PTPN4: variants seen among roughly 807,000 people sequenced by gnomAD.
PTPN4 encodes the protein tyrosine-protein phosphatase non-receptor type 4.
A neutral mutation model predicts 135.5 loss-of-function variants in PTPN4; 49 were observed. The ratio of observed to expected loss-of-function variants is 0.36; its 90% CI spans 0.29 to 0.46. The LOEUF is 0.46. Ranked by LOEUF, PTPN4 falls within the 20% of genes least tolerant of loss-of-function variation. The pLI, the probability that PTPN4 is intolerant of heterozygous loss-of-function variation, is 1.00. For synonymous variants in PTPN4, 333 were observed against 369.9 expected (o/e 0.90, Z 1.14); for missense variants, 860 against 1,101.0 (o/e 0.78, Z 3.10).
chr2:119,797,032 A>T (rs1691276042), intron 1 of PTPN4, among the ~76,000 whole-genome samples: 1 of 152,104 alleles, frequency 6.6e-6, no homozygotes, highest in Admixed American at 6.5e-5. Context: ...ATTTGTTCAC[A>T]TCTTTCGCCT....
intron 1 of PTPN4, among the ~76,000 whole-genome samples, chr2:119,792,904 G>A (rs1216115638): frequency 6.6e-6 from 1 of 152,112 alleles, no homozygotes; most frequent in East Asian, 1.9e-4. Flanking sequence ...ATAGGGTGTG[G>A]GTCACAGAGA....
intron 1 of PTPN4, among the ~76,000 whole-genome samples, chr2:119,770,047 T>C (rs1161069979): frequency 1.3e-5 from 2 of 152,226 alleles, no homozygotes; most frequent in Non-Finnish European, 2.9e-5. Context: ...AAAAATTACG[T>C]CCAAAATTGG....
intron 1 of PTPN4, among the ~76,000 whole-genome samples, chr2:119,801,449 AT>A (rs1248712249): frequency 6.6e-6 from 1 of 152,148 alleles, no homozygotes. Context: ...AAGTACTGGG[AT>A]TTTGATAGAA....
chr2:119,891,077 A>C (rs766863673), intron 9 of PTPN4, among the ~76,000 whole-genome samples: 1 of 152,128 alleles, frequency 6.6e-6, no homozygotes. Context: ...ACCTCTTTAC[A>C]TTATTATCTG....
At chr2:119,764,818 A>G (rs927447599) in intron 1 of PTPN4, among the ~76,000 whole-genome samples, 11 of 152,218 alleles carry the variant, frequency 7.2e-5, no homozygotes, top group African/African-American at 2.4e-4. Flanking sequence ...AACAACGTTT[A>G]CCCTTGATCA....
chr2:119,973,972 ACTT>A (rs1428201070), intron 26 of PTPN4, among the ~76,000 whole-genome samples: 2 of 152,124 alleles, frequency 1.3e-5, no homozygotes, highest in East Asian at 3.8e-4. Flanking sequence ...TAGCTGGACT[ACTT>A]CTTTAAAGAG....
chr2:119,817,185 C>T (rs1218263900), intron 2 of PTPN4, among the ~76,000 whole-genome samples: 1 of 152,012 alleles, frequency 6.6e-6, no homozygotes, highest in Non-Finnish European at 1.5e-5. Context: ...GGTTTTTATA[C>T]TTTTGGCTTT....
intron 1 of PTPN4, among the ~76,000 whole-genome samples, chr2:119,792,625 C>A (rs1261485603): frequency 6.6e-6 from 1 of 152,158 alleles, no homozygotes. Flanking sequence ...TGAATTTTGC[C>A]AAGTTAAACT....
rs1167921543 is a variant in PTPN4, at chr2:119,984,658, G to T, written c.*7588G>T. Reference sequence around the variant, plus strand: ...TGTCTTAATTTTAGTGAAAAAATTAGAATTTCTGCCATTCATGTACAAAAA... The same window carrying T: ...TGTCTTAATTTTAGTGAAAAAATTATAATTTCTGCCATTCATGTACAAAAA... On this transcript the variant is annotated 3_prime_UTR_variant, in exon 27 of 27. Coordinates refer to ENST00000263708, the MANE Select transcript of PTPN4 (RefSeq NM_002830.4). 1.3e-5 allele frequency among the ~76,000 whole-genome samples: 2 copies of T among 152,144 alleles called. No homozygotes were observed. Among genetic ancestry groups the T allele is most frequent in the Admixed American group, 6.5e-5 (1 of 15,276 alleles).
intron 2 of PTPN4, among the ~76,000 whole-genome samples, chr2:119,824,742 C>T (rs1677122769): frequency 6.6e-6 from 1 of 152,076 alleles, no homozygotes; most frequent in Admixed American, 6.6e-5. Flanking sequence ...GGCTGGAGTG[C>T]AGTGGTGTGA....
intron 2 of PTPN4, among the ~76,000 whole-genome samples, chr2:119,829,399 C>A (rs1399579268): frequency 6.6e-6 from 1 of 152,206 alleles, no homozygotes; most frequent in Non-Finnish European, 1.5e-5. Flanking sequence ...ATTAAGTTCA[C>A]AATGTTGTAT....
intron 2 of PTPN4, among the ~76,000 whole-genome samples, chr2:119,852,157 C>T (rs1677601628): frequency 6.6e-6 from 1 of 152,226 alleles, no homozygotes; most frequent in Non-Finnish European, 1.5e-5. Context: ...TCTTCAAAGA[C>T]TCAACTTCCT....
intron 13 of PTPN4, among the ~76,000 whole-genome samples, chr2:119,931,623 A>G (rs932156382): frequency 1.3e-5 from 2 of 151,424 alleles, no homozygotes; most frequent in Non-Finnish European, 2.9e-5. Context: ...TATTTTTTGT[A>G]GAGACAGAGT....
chr2:119,948,525 G>A (rs1177912942), intron 18 of PTPN4, among the ~76,000 whole-genome samples: 2 of 151,974 alleles, frequency 1.3e-5, no homozygotes, highest in African/African-American at 4.8e-5. Context: ...GTTTGACTAG[G>A]GAACAAAGAG....
intron 3 of PTPN4, among the ~76,000 whole-genome samples, chr2:119,873,392 A>G (rs760749622): frequency 3.3e-5 from 5 of 152,226 alleles, no homozygotes; most frequent in Non-Finnish European, 7.3e-5. Context: ...TGGATTTCTT[A>G]GTAGAAACCA....
intron 3 of PTPN4, among the ~76,000 whole-genome samples, chr2:119,870,360 C>A (rs571140207): frequency 6.6e-6 from 1 of 152,018 alleles, no homozygotes; most frequent in African/African-American, 2.4e-5. Flanking sequence ...TAAATAGAGA[C>A]ACACCATGCT....
chr2:119,952,060 G>A lies in PTPN4; in HGVS notation c.1744G>A (p.Val582Ile), dbSNP rs1172585773. ...RDIAEHTHDQ[V>I]VLFIKASCER... ...CATTGCAGAACACACTCATGATCAG[G>A]TTGTGCTGTTTATTAAAGCTAGTTG... is the stretch of plus-strand genomic sequence containing the variant. Residue 582 changes from valine to isoleucine, a missense_variant, in exon 19 of 27, where the codon GTT becomes ATT. By Grantham distance (29) the Val-to-Ile change is conservative. Coordinates refer to ENST00000263708, the MANE Select transcript of PTPN4 (RefSeq NM_002830.4). The A allele has an allele frequency of 1.9e-6, 3 of 1,613,356 alleles. No homozygotes were observed. Among genetic ancestry groups the A allele is most frequent in the African/African-American group, 2.7e-5 (2 of 74,888 alleles).
chr2:119,774,635 A>G (rs1690797642), intron 1 of PTPN4, among the ~76,000 whole-genome samples: 1 of 152,196 alleles, frequency 6.6e-6, no homozygotes, highest in Non-Finnish European at 1.5e-5. Flanking sequence ...CAATCCAAGG[A>G]TGGTTTGATA....
rs1679711564 is a variant in PTPN4, at chr2:119,982,571, G to T, written c.*5501G>T. ...TTGCCTCTAGAATAGAAACTTTTCA[G>T]AAAATTTGCACATACTGTTTGTAAG... On this transcript the variant is annotated 3_prime_UTR_variant, in exon 27 of 27. Coordinates refer to ENST00000263708, the MANE Select transcript of PTPN4 (RefSeq NM_002830.4). The T allele has an allele frequency of 6.6e-6, 1 of 152,134 alleles. No individual in the cohort carries two copies. Among genetic ancestry groups the T allele is most frequent in the Admixed American group, 6.5e-5 (1 of 15,270 alleles). 9.4% of individuals were successfully genotyped at this position (152,134 alleles called of 1,614,324 possible). A position where few individuals can be genotyped will look rare whatever the true frequency, so the allele number is the denominator to read the frequency against.
Sources: allele counts gnomAD v4.1 joint callset (sites outside exome capture counted in the v4.1 genomes callset), GRCh38; gene constraint gnomAD v4.1.1; transcripts MANE v1.5; gene names NCBI Gene and HGNC (gene_info 2026-07-23, HGNC 2026-07-21).